BCAS3: variants seen among roughly 807,000 people sequenced by gnomAD.
BCAS3 encodes the protein BCAS4/BCAS3 fusion.
Under a neutral mutation model 116.1 loss-of-function variants are expected in BCAS3, and 53 were observed. The observed-to-expected ratio is 0.46, with a 90% CI of 0.37 to 0.57. The LOEUF is 0.57. Ranked by LOEUF, BCAS3 falls within the 20% of genes least tolerant of loss-of-function variation. The pLI is 0.00. For missense variants in BCAS3, 917 were observed against 1,165.4 expected (o/e 0.79, Z 3.10); for synonymous variants, 391 against 408.2 (o/e 0.96, Z 0.51).
In BCAS3 at chr17:61,352,681, A is replaced by AT. The variant is rs2143352727; in HGVS notation, c.2426-15640dup. ...ACCAGATTAACACAGTGATTTGGGCATTTTTTCACACTTACTAACGAGTGG... is the reference window on the plus strand; with the variant it reads ...ACCAGATTAACACAGTGATTTGGGCATTTTTTTCACACTTACTAACGAGTGG... On this transcript the variant is annotated intron_variant, in intron 22 of 23. Coordinates refer to ENST00000407086, the MANE Select transcript of BCAS3 (RefSeq NM_017679.5). This position sits in a 1 kb window ranked among gnomAD's most constrained non-coding sequence, Gnocchi z 4.7. 6.6e-6 allele frequency among the ~76,000 whole-genome samples: 1 copy of AT among 152,284 alleles called. No homozygotes were observed. Among genetic ancestry groups the AT allele is most frequent in the South Asian group, 2.1e-4 (1 of 4,824 alleles).
intron 6 of BCAS3, among the ~76,000 whole-genome samples, chr17:60,786,879 G>A (rs143826009): frequency 6.6e-6 from 1 of 152,136 alleles, no homozygotes; most frequent in Non-Finnish European, 1.5e-5. Flanking sequence ...AACATTTGGA[G>A]TGAATTGGAT....
At chr17:61,298,955 T>A (rs1038077026) in intron 22 of BCAS3, among the ~76,000 whole-genome samples, 18 of 151,848 alleles carry the variant, frequency 1.2e-4, no homozygotes, top group Admixed American at 3.3e-4. Context: ...CCTGAGTGGC[T>A]GGGATGAGAG....
chr17:61,260,848 A>T (rs762667895), intron 22 of BCAS3, among the ~76,000 whole-genome samples: 16 of 152,216 alleles, frequency 1.1e-4, no homozygotes, highest in Non-Finnish European at 2.2e-4. Context: ...TGGAAACAGG[A>T]TCAGGCTTTA....
At chr17:60,727,055 A>C (rs2039956158) in intron 5 of BCAS3, 1 of 263,008 alleles carries the variant, frequency 3.8e-6, no homozygotes, top group Non-Finnish European at 7.1e-6. Flanking sequence ...CTTTAAAAAA[A>C]AATTATTTAT....
In BCAS3 at chr17:61,083,784, C is replaced by A. The variant is rs1345730649; in HGVS notation, c.2328-683C>A. Among the ~76,000 whole-genome samples, 2 of 151,662 alleles carry A rather than the reference C, an allele frequency of 1.3e-5. No individual in the cohort carries two copies. The highest frequency in any genetic ancestry group is 4.8e-5 in the African/African-American group (2 of 41,254). ...CTAATTTTTGCATTTTTAGTAGAGA[C>A]GGGGCTTCACCGTGTTAGCCAGGAT... On this transcript the variant is annotated intron_variant, in intron 21 of 23. Transcript: ENST00000407086. The surrounding 1 kb of genome is among the most constrained non-coding windows in gnomAD (Gnocchi z 4.9).
At chr17:61,342,751 CT>C (rs113701578) in intron 22 of BCAS3, among the ~76,000 whole-genome samples, 18,528 of 136,920 alleles carry the variant, frequency 0.14, 1,288 homozygotes, top group African/African-American at 0.25. Context: ...ATTTTCTTTT[CT>C]TTTTTTTTTT....
chr17:60,870,488 G>T (rs2055005786), intron 8 of BCAS3, among the ~76,000 whole-genome samples: 1 of 152,080 alleles, frequency 6.6e-6, no homozygotes. Flanking sequence ...CTGGCAGTAT[G>T]GCAGGCAATG....
chr17:61,022,115 T>TA (rs1377049696), intron 16 of BCAS3, among the ~76,000 whole-genome samples: 13 of 152,242 alleles, frequency 8.5e-5, no homozygotes, highest in Non-Finnish European at 1.5e-4. Context: ...ACATATGCAA[T>TA]ATATTTAACA....
intron 15 of BCAS3, among the ~76,000 whole-genome samples, chr17:61,010,249 A>G (rs1400434381): frequency 1.3e-5 from 2 of 151,784 alleles, no homozygotes; most frequent in African/African-American, 4.8e-5. Flanking sequence ...GTGTTTTTAT[A>G]GTATAGAATG....
intron 22 of BCAS3, among the ~76,000 whole-genome samples, chr17:61,270,502 C>T (rs1174371257): frequency 6.6e-6 from 1 of 152,060 alleles, no homozygotes; most frequent in African/African-American, 2.4e-5. Context: ...TGCTGCCCCT[C>T]ATCAGATACA....
At chr17:60,915,885 A>G (rs9894553) in intron 12 of BCAS3, among the ~76,000 whole-genome samples, 4,257 of 151,626 alleles carry the variant, frequency 0.028, 217 homozygotes, top group African/African-American at 0.099. Flanking sequence ...GGGTTTCGCC[A>G]TGTTAGCCAG....
At chr17:60,864,361 G>C (rs1461052139) in intron 7 of BCAS3, among the ~76,000 whole-genome samples, 1 of 152,214 alleles carries the variant, frequency 6.6e-6, no homozygotes, top group Non-Finnish European at 1.5e-5. Context: ...ACCTAAGAAG[G>C]AACTTCTGAC....
chr17:60,769,587 A>G (rs1373768736), intron 6 of BCAS3, among the ~76,000 whole-genome samples: 1 of 152,060 alleles, frequency 6.6e-6, no homozygotes, highest in East Asian at 1.9e-4. Flanking sequence ...GGCCCCCCTC[A>G]GTAGGAGCAG....
At chr17:61,385,999 G>A (rs973744247) in intron 23 of BCAS3, among the ~76,000 whole-genome samples, 23 of 152,194 alleles carry the variant, frequency 1.5e-4, no homozygotes, top group Admixed American at 2.6e-4. Context: ...GCTGGAGAGG[G>A]ACCCTGTAGT....
chr17:60,859,986 G>A (rs1488133521), intron 7 of BCAS3, among the ~76,000 whole-genome samples: 2 of 152,196 alleles, frequency 1.3e-5, no homozygotes, highest in African/African-American at 2.4e-5. Flanking sequence ...CTTTATGGTA[G>A]AATGATTGAT....
intron 6 of BCAS3, among the ~76,000 whole-genome samples, chr17:60,807,051 T>C (rs561800625): frequency 6.6e-6 from 1 of 152,272 alleles, no homozygotes; most frequent in African/African-American, 2.4e-5. Flanking sequence ...CTGTAGATCT[T>C]TTGTAGATGA....
intron 7 of BCAS3, among the ~76,000 whole-genome samples, chr17:60,843,243 G>A (rs915626279): frequency 1.1e-4 from 17 of 149,010 alleles, no homozygotes; most frequent in Non-Finnish European, 2.1e-4. Context: ...TTGAGACAGA[G>A]GCTTGCTCTG....
chr17:61,319,521 A>G lies in BCAS3; in HGVS notation c.2426-48806A>G, dbSNP rs552614496. Among the ~76,000 whole-genome samples the G allele has an allele frequency of 1.8e-4, 27 of 151,296 alleles. No individual in the cohort carries two copies. The South Asian group carries it at 5.4e-3, about 30-fold the overall frequency. ...TATAATTAAATAATATGTCGAATGT[A>G]TTGATCATATTTTTATACATTTGCT... On this transcript the variant is annotated intron_variant, in intron 22 of 23. Transcript: ENST00000407086.
At chr17:60,702,087 TACAC>T (rs928214871) in intron 4 of BCAS3, among the ~76,000 whole-genome samples, 1 of 152,212 alleles carries the variant, frequency 6.6e-6, no homozygotes, top group Non-Finnish European at 1.5e-5. Flanking sequence ...TATCAAAATG[TACAC>T]ACACACTTAA....
Sources: allele counts gnomAD v4.1 joint callset (sites outside exome capture counted in the v4.1 genomes callset), GRCh38; gene constraint gnomAD v4.1.1; non-coding constraint Gnocchi (gnomAD v3.1); transcripts MANE v1.5; gene names NCBI Gene and HGNC (gene_info 2026-07-23, HGNC 2026-07-21).